The following PPIE variants were observed in gnomAD, a reference collection of about 807,000 sequenced individuals.
PPIE encodes peptidyl-prolyl cis-trans isomerase E.
In PPIE, 20 loss-of-function variants were observed where a neutral mutation model predicts 38.4. The ratio of observed to expected loss-of-function variants is 0.52; its 90% CI spans 0.37 to 0.76. PPIE has a LOEUF of 0.76. Ranked by LOEUF, PPIE falls within the 30% of genes least tolerant of loss-of-function variation. The pLI, the probability that PPIE is intolerant of heterozygous loss-of-function variation, is 0.00. For synonymous variants in PPIE, 142 were observed against 135.7 expected, an observed-to-expected ratio of 1.05 and a Z score of -0.32; for missense variants, 322 against 385.8, an observed-to-expected ratio of 0.83 and a Z score of 1.39.
downstream of PPIE, chr1:39,760,430 C>T (rs41267035): frequency 8.0e-4 from 1,299 of 1,613,982 alleles, no homozygotes; most frequent in Non-Finnish European, 9.8e-4. Flanking sequence ...CAGTGGCAGC[C>T]GCAGGCCTTG....
intron 7 of PPIE, 111 bp downstream of exon 7, chr1:39,745,609 A>T (rs971391086): frequency 2.6e-5 from 40 of 1,528,832 alleles, no homozygotes; most frequent in Non-Finnish European, 3.6e-5. Context: ...TTCTGACCTA[A>T]GTTGATTTGA....
At chr1:39,744,064 A>G (rs1384035720) in intron 6 of PPIE, 140 bp downstream of exon 6, 14 of 596,588 alleles carry the variant, frequency 2.3e-5, no homozygotes, top group Non-Finnish European at 3.8e-5. Flanking sequence ...ACTTTGGTAA[A>G]GTCAATATTG....
At chr1:39,745,940 AAT>A in intron 7 of PPIE, 1 of 155,256 alleles carries the variant, frequency 6.4e-6, no homozygotes, top group South Asian at 1.9e-4. Context: ...ATAAAGAGTC[AAT>A]TCAGTTTCAC....
chr1:39,742,212 G>A (rs879827238), intron 4 of PPIE: 2 of 318,760 alleles, frequency 6.3e-6, no homozygotes, highest in Non-Finnish European at 5.8e-6. Flanking sequence ...ATTGCACGGT[G>A]TAACTGCATA....
chr1:39,739,020 G>A, intron 1 of PPIE, 89 bp downstream of exon 1: 1 of 1,322,700 alleles, frequency 7.6e-7, no homozygotes, highest in Non-Finnish European at 9.8e-7. Context: ...TGAACCAGGA[G>A]GACGGCGAGC....
chr1:39,743,902 C>T lies in PPIE; in HGVS notation c.362C>T (p.Pro121Leu), dbSNP rs1647126023. 3.7e-6 allele frequency: 6 copies of T among 1,613,238 alleles called. No homozygotes were observed. Among genetic ancestry groups the T allele is most frequent in the Non-Finnish European group, 5.1e-6 (6 of 1,179,672 alleles). The change falls in exon 6 of 10, where the codon CCT becomes CTT. Residue 121 changes from proline (P) to leucine (L), a missense_variant. Coordinates refer to ENST00000324379, the MANE Select transcript of PPIE (RefSeq NM_006112.4). ...AATAAAGAGGAAGAAGGGTCAGAGC[C>T]TCCCAAAGCAGAGACCCAGGAGGTG... ...EENKEEEGSEPPKAETQEGEP... is the reference protein window; with the variant it reads ...EENKEEEGSELPKAETQEGEP...
chr1:39,763,435 G>A (rs1164277335), intron 9 of PPIE, among the ~76,000 whole-genome samples: 3 of 109,870 alleles, frequency 2.7e-5, no homozygotes, highest in Non-Finnish European at 6.9e-5. Context: ...AGCTGCAGTC[G>A]TAGCCAATGC....
chr1:39,741,999 T>C, intron 4 of PPIE, 78 bp downstream of exon 4: 4 of 1,508,932 alleles, frequency 2.7e-6, no homozygotes, highest in Non-Finnish European at 3.7e-6. Flanking sequence ...ATCAGTGTTC[T>C]GGACTTCCAA....
chr1:39,753,354 G>A lies in PPIE; in HGVS notation c.905G>A (p.Ter302=). 5 of 1,613,972 alleles carry A rather than the reference G, an allele frequency of 3.1e-6. No homozygotes were observed. The highest frequency in any genetic ancestry group is 4.2e-6 in the Non-Finnish European group (5 of 1,179,884). Residue 302 remains the stop codon, a stop_retained_variant, in exon 10 of 10, where the codon TGA becomes TAA. Coordinates refer to ENST00000324379, the MANE Select transcript of PPIE (RefSeq NM_006112.4). ...VIIADCGEYV[*] ...ATCGCCGACTGTGGGGAGTACGTGTGAGGCGGCACTCTCTCTGCTTCCCCC... is the reference window on the plus strand; with the variant it reads ...ATCGCCGACTGTGGGGAGTACGTGTAAGGCGGCACTCTCTCTGCTTCCCCC...
chr1:39,752,282 C>G (rs988573316), intron 8 of PPIE, among the ~76,000 whole-genome samples: 4 of 152,138 alleles, frequency 2.6e-5, no homozygotes, highest in African/African-American at 9.7e-5. Flanking sequence ...GTCCAACTGC[C>G]TGCCTGTTGT....
At position 39,752,865 on chromosome 1, in the gene PPIE, C is replaced by T. The variant is rs766322592; in HGVS notation, c.695-45C>T. On this transcript the variant is annotated intron_variant, in intron 8 of 9. Coordinates refer to ENST00000324379, the MANE Select transcript of PPIE (RefSeq NM_006112.4). ...AGCCTGCACAGACGTCCTTTAAGGG[C>T]TGGTAGCCAGGGTTCGGGGAGCTGA... 21 of 1,590,008 alleles carry T rather than the reference C, an allele frequency of 1.3e-5. No individual in the cohort carries two copies. In the Admixed American group the frequency reaches 2.9e-4, roughly 22 times the overall value.
rs201046457 is a variant in PPIE at position 39,740,172 on chromosome 1, G to A, written c.39G>A (p.Leu13=). 11 of 1,614,024 alleles carry A rather than the reference G, an allele frequency of 6.8e-6. No individual in the cohort carries two copies. Among genetic ancestry groups the A allele is most frequent in the Middle Eastern group, 1.6e-4 (1 of 6,062 alleles). The change falls in exon 2 of 10, where the codon CTG becomes CTA. Residue 13 remains leucine (L), a synonymous_variant. Transcript: ENST00000324379. Reference sequence around the variant, plus strand: ...CCCTTGGCTTATTTGCAGGTGGACTGGCAGAGGAAGTGGACGACAAAGTTC... The same window carrying A: ...CCCTTGGCTTATTTGCAGGTGGACTAGCAGAGGAAGTGGACGACAAAGTTC... The part of the protein sequence containing the change: ...TTKRVLYVGG[L]AEEVDDKVLH...
chr1:39,742,127 C>A (rs1569636938), intron 4 of PPIE: 1 of 563,916 alleles, frequency 1.8e-6, no homozygotes, highest in Non-Finnish European at 3.1e-6. Context: ...TAATGTAAGT[C>A]CTCATCATCC....
At chr1:39,761,987 G>A (rs1649052501) in intron 9 of PPIE, among the ~76,000 whole-genome samples, 1 of 152,212 alleles carries the variant, frequency 6.6e-6, no homozygotes, top group Non-Finnish European at 1.5e-5. Context: ...AGCTGCAGAT[G>A]CAGTCACCTT....
At chr1:39,750,985 G>A (rs755588958) in intron 8 of PPIE, among the ~76,000 whole-genome samples, 1 of 152,180 alleles carries the variant, frequency 6.6e-6, no homozygotes, top group Non-Finnish European at 1.5e-5. Flanking sequence ...TATAATACTC[G>A]AATATGTTTC....
At chr1:39,746,436 A>T (rs1647207440) in intron 7 of PPIE, 1 of 152,318 alleles carries the variant, frequency 6.6e-6, no homozygotes, top group South Asian at 2.1e-4. Context: ...ATTCCTCAAC[A>T]TTCAGTATAT....
At chr1:39,759,544 G>A (rs1648664221), downstream of PPIE, 2 of 152,256 alleles carry the variant, frequency 1.3e-5, no homozygotes, top group Non-Finnish European at 2.9e-5. Context: ...CCATTCAGAG[G>A]GGAAAGGGAA....
Position 39,740,154 on chromosome 1 carries a change from C to G in PPIE, c.32-11C>G, listed in dbSNP as rs565639842. ...GATCAGTGGCTCAGAAGGCCCTTGG[C>G]TTATTTGCAGGTGGACTGGCAGAGG... On this transcript the variant is annotated splice_polypyrimidine_tract_variant and intron_variant, in intron 1 of 9. Coordinates refer to ENST00000324379, the MANE Select transcript of PPIE (RefSeq NM_006112.4). The G allele has an allele frequency of 3.0e-5, 48 of 1,612,268 alleles. No homozygotes were observed. The highest frequency in any genetic ancestry group is 4.1e-5 in the Non-Finnish European group (48 of 1,178,504).
chr1:39,743,039 G>A, intron 4 of PPIE, 177 bp from the exon 5 acceptor site: 2 of 563,738 alleles, frequency 3.5e-6, no homozygotes, highest in Non-Finnish European at 6.3e-6. Flanking sequence ...ATGAAAGAAA[G>A]GGGTGTGAGT....
Sources: gnomAD v4.1 joint callset for allele counts (sites outside exome capture counted in the v4.1 genomes callset) on GRCh38, gnomAD v4.1.1 for gene constraint, MANE v1.5 for transcripts, NCBI Gene and HGNC (gene_info 2026-07-23, HGNC 2026-07-21) for gene names.